PDIA5: variants seen among roughly 807,000 people sequenced by gnomAD.
PDIA5 encodes the protein protein disulfide-isomerase A5.
PDIA5 carries 58 observed loss-of-function variants against 77.6 expected under a neutral mutation model. The ratio of observed to expected loss-of-function variants is 0.75; its 90% CI spans 0.61 to 0.93. PDIA5 has a LOEUF of 0.93. Among genes scored for constraint, PDIA5 ranks in the 40% least tolerant of loss-of-function variants. The pLI is 0.00. For missense variants in PDIA5, 630 were observed against 647.7 expected (o/e 0.97, Z 0.30); for synonymous variants, 250 against 252.1 (o/e 0.99, Z 0.08).
At chr3:123,144,718 A>G (rs1433042900) in intron 11 of PDIA5, 1 of 152,082 alleles carries the variant, frequency 6.6e-6, no homozygotes, top group Non-Finnish European at 1.5e-5. Flanking sequence ...CCCCATCTCT[A>G]TTGAAAAAGT....
At chr3:123,069,033 G>T (rs143214760) in intron 1 of PDIA5, among the ~76,000 whole-genome samples, 5 of 152,318 alleles carry the variant, frequency 3.3e-5, no homozygotes, top group African/African-American at 9.6e-5. Flanking sequence ...GAAAGCACTA[G>T]AACCTGGGAG....
chr3:123,132,185 C>G (rs900874819), intron 11 of PDIA5, among the ~76,000 whole-genome samples: 1 of 152,128 alleles, frequency 6.6e-6, no homozygotes, highest in South Asian at 2.1e-4. Flanking sequence ...ACCCACGGCT[C>G]CGTGAGTCCT....
At chr3:123,093,144 A>G (rs921226327) in intron 3 of PDIA5, among the ~76,000 whole-genome samples, 1 of 152,154 alleles carries the variant, frequency 6.6e-6, no homozygotes, top group Non-Finnish European at 1.5e-5. Flanking sequence ...TAAGTTGATG[A>G]CCTCAAGTTT....
intron 14 of PDIA5, among the ~76,000 whole-genome samples, chr3:123,154,650 C>T (rs1361309777): frequency 6.6e-6 from 1 of 152,180 alleles, no homozygotes; most frequent in Non-Finnish European, 1.5e-5. Context: ...AAGCCCAAAG[C>T]TCCCTCTGCC....
intron 11 of PDIA5, among the ~76,000 whole-genome samples, chr3:123,132,727 A>T (rs866195077): frequency 3.9e-5 from 6 of 152,156 alleles, no homozygotes; most frequent in Admixed American, 6.5e-5. Flanking sequence ...GCAGGAATTG[A>T]TGTTGAATCT....
Position 123,087,065 on chromosome 3 carries a change from T to A in PDIA5, c.43-2103T>A, listed in dbSNP as rs533729505. ...TAGGGTCTCCCCTTTGTCAGCAGTG[T>A]TCTGAAAGTTTTCAGTGATGTATTT... On this transcript the variant is annotated intron_variant, in intron 1 of 16. Coordinates refer to ENST00000316218, the MANE Select transcript of PDIA5 (RefSeq NM_006810.4). 5.9e-5 allele frequency among the ~76,000 whole-genome samples: 9 copies of A among 152,384 alleles called. No homozygotes were observed. The East Asian group carries it at 1.5e-3, about 26-fold the overall frequency.
intron 11 of PDIA5, among the ~76,000 whole-genome samples, chr3:123,134,958 A>G (rs836832): frequency 0.75 from 113,548 of 152,132 alleles, 42,758 homozygotes; most frequent in Non-Finnish European, 0.8. Flanking sequence ...CGTTTGTAGC[A>G]AGGCTTCGTG....
chr3:123,153,676 C>G (rs183255957), intron 14 of PDIA5, among the ~76,000 whole-genome samples: 1 of 152,170 alleles, frequency 6.6e-6, no homozygotes, highest in African/African-American at 2.4e-5. Context: ...CATCACCCCC[C>G]ACAATGCTCT....
intron 7 of PDIA5, among the ~76,000 whole-genome samples, chr3:123,113,199 A>G (rs945395735): frequency 2.0e-5 from 3 of 152,208 alleles, no homozygotes; most frequent in Non-Finnish European, 4.4e-5. Context: ...CATTGGTTAA[A>G]TGAAGCTGTA....
chr3:123,068,925 G>A (rs935012069), intron 1 of PDIA5, among the ~76,000 whole-genome samples: 1 of 152,216 alleles, frequency 6.6e-6, no homozygotes, highest in African/African-American at 2.4e-5. Flanking sequence ...GAGGTGGTAG[G>A]GTTGAACAGA....
chr3:123,152,099 GC>G (rs1935926367), intron 14 of PDIA5, among the ~76,000 whole-genome samples: 1 of 79,508 alleles, frequency 1.3e-5, no homozygotes, highest in Non-Finnish European at 2.7e-5. Flanking sequence ...CTGCCTTCCT[GC>G]CTTCCTTCCT....
chr3:123,112,907 T>A (rs1333197800), intron 7 of PDIA5, among the ~76,000 whole-genome samples: 1 of 152,030 alleles, frequency 6.6e-6, no homozygotes, highest in Non-Finnish European at 1.5e-5. Context: ...CCCAGCCTCC[T>A]CCCCAGGCCT....
chr3:123,119,053 C>A (rs1935051905), intron 8 of PDIA5, among the ~76,000 whole-genome samples: 1 of 152,098 alleles, frequency 6.6e-6, no homozygotes, highest in African/African-American at 2.4e-5. Flanking sequence ...GAGCTAGATA[C>A]CAGCCTGGGC....
At chr3:123,148,124 G>A (rs996811893) in intron 13 of PDIA5, among the ~76,000 whole-genome samples, 2 of 152,196 alleles carry the variant, frequency 1.3e-5, no homozygotes, top group African/African-American at 2.4e-5. Flanking sequence ...GGCTGAGATC[G>A]TGACCCTGAG....
intron 1 of PDIA5, among the ~76,000 whole-genome samples, chr3:123,081,806 G>A (rs181161774): frequency 1.1e-4 from 17 of 152,332 alleles, no homozygotes; most frequent in East Asian, 1.9e-4. Context: ...GCTGGCACGC[G>A]CCCCAGAGAT....
Position 123,067,064 on chromosome 3 carries a change from G to A in PDIA5, c.-101G>A. On this transcript the variant is annotated 5_prime_UTR_variant, in exon 1 of 17. Coordinates refer to ENST00000316218, the MANE Select transcript of PDIA5 (RefSeq NM_006810.4). ...GAACTCGGAGGCGGGGAGCGGCTGG[G>A]AAGTGGCCGTGGTGGTTGGCCGCGG... 3.0e-6 allele frequency: 3 copies of A among 986,456 alleles called. No homozygotes were observed. Among genetic ancestry groups the A allele is most frequent in the Non-Finnish European group, 1.3e-6 (1 of 762,658 alleles). The allele number at this position is 986,456 out of a possible 1,614,324, so 61.1% of individuals were successfully genotyped here.
chr3:123,140,107 C>T (rs780856903), intron 11 of PDIA5, among the ~76,000 whole-genome samples: 20 of 152,034 alleles, frequency 1.3e-4, no homozygotes, highest in African/African-American at 3.6e-4. Context: ...AGGGGTAAGC[C>T]GCATACAGAC....
intron 11 of PDIA5, among the ~76,000 whole-genome samples, chr3:123,138,829 A>C (rs2107974308): frequency 6.6e-6 from 1 of 152,290 alleles, no homozygotes; most frequent in East Asian, 1.9e-4. Context: ...ATTCCAAGCA[A>C]GGCAGGAACC....
intron 15 of PDIA5, among the ~76,000 whole-genome samples, chr3:123,157,278 T>G (rs1936042758): frequency 6.6e-6 from 1 of 152,210 alleles, no homozygotes; most frequent in African/African-American, 2.4e-5. Context: ...AACTTACTGG[T>G]GCCCACTCTG....
Sources: allele counts gnomAD v4.1 joint callset (sites outside exome capture counted in the v4.1 genomes callset), GRCh38; gene constraint gnomAD v4.1.1; transcripts MANE v1.5; gene names NCBI Gene and HGNC (gene_info 2026-07-23, HGNC 2026-07-21).